The following BNC2 variants were observed in gnomAD, a reference collection of about 807,000 sequenced individuals.
The protein encoded by BNC2 is basonuclin zinc finger protein 2.
Under a neutral mutation model 76.3 loss-of-function variants are expected in BNC2, and 20 were observed. That is an observed-to-expected ratio of 0.26 (90% CI 0.18 to 0.38). The LOEUF (loss-of-function observed/expected upper bound fraction) is 0.38, where lower values mean the gene tolerates loss of function less well. Among genes scored for constraint, BNC2 ranks in the 10% least tolerant of loss-of-function variants. BNC2 has a pLI of 1.00. For missense variants in BNC2, 1,382 were observed against 1,399.8 expected, an observed-to-expected ratio of 0.99 and a Z score of 0.20; for synonymous variants, 582 against 514.8, an observed-to-expected ratio of 1.13 and a Z score of -1.77.
chr9:16,794,971 T>C (rs960482495), intron 1 of BNC2, among the ~76,000 whole-genome samples: 12 of 151,862 alleles, frequency 7.9e-5, no homozygotes, highest in African/African-American at 2.9e-4. Context: ...TAAAGGAAAA[T>C]ACAAATACTC....
intron 1 of BNC2, among the ~76,000 whole-genome samples, chr9:16,748,715 C>T (rs1448786715): frequency 1.3e-5 from 2 of 150,162 alleles, no homozygotes; most frequent in South Asian, 2.1e-4. Flanking sequence ...TGGTGGCAGC[C>T]GCCTGTAGTC....
At position 16,616,837 on chromosome 9, in the gene BNC2, A is replaced by AAGGAAGGAAGGAAGGAAGGAAGGAAGGC. The variant is rs1431416345; in HGVS notation, c.331-33753_331-33752insGCCTTCCTTCCTTCCTTCCTTCCTTCCT. On this transcript the variant is annotated intron_variant, in intron 3 of 6. Coordinates refer to ENST00000380672, the MANE Select transcript of BNC2 (RefSeq NM_017637.6). ...GAAGGAAGAAAGGAAGGAAGGAAGG[A>AAGGAAGGAAGGAAGGAAGGAAGGAAGGC]AGTTCTACTGACACGTGGGAATTTC... Among the ~76,000 whole-genome samples, 61 of 149,932 alleles carry AAGGAAGGAAGGAAGGAAGGAAGGAAGGC rather than the reference A, an allele frequency of 4.1e-4. 1 individual carries two copies. The highest frequency in any genetic ancestry group is 1.3e-3 in the African/African-American group (55 of 40,892).
chr9:16,824,256 T>C (rs1818403343), intron 1 of BNC2, among the ~76,000 whole-genome samples: 1 of 152,170 alleles, frequency 6.6e-6, no homozygotes, highest in Non-Finnish European at 1.5e-5. Context: ...TTTTTTTGGT[T>C]GGTTTTTTAA....
chr9:16,596,661 G>C (rs767071044), intron 3 of BNC2, among the ~76,000 whole-genome samples: 5 of 152,136 alleles, frequency 3.3e-5, no homozygotes, highest in Non-Finnish European at 5.9e-5. Flanking sequence ...TTAAGAGAAA[G>C]AGGAGAGTTG....
intron 1 of BNC2, among the ~76,000 whole-genome samples, chr9:16,859,652 T>C (rs1223454790): frequency 6.6e-6 from 1 of 152,190 alleles, no homozygotes; most frequent in Non-Finnish European, 1.5e-5. Context: ...GCATCTAAAG[T>C]AGGCAAACTC....
At chr9:16,671,365 G>C (rs1241634619) in intron 3 of BNC2, among the ~76,000 whole-genome samples, 1 of 152,178 alleles carries the variant, frequency 6.6e-6, no homozygotes, top group Admixed American at 6.5e-5. Context: ...GAAAGGATAA[G>C]TGGTAAAAAG....
chr9:16,804,954 C>T lies in BNC2; in HGVS notation c.3+65692G>A, dbSNP rs954800952. Among the ~76,000 whole-genome samples, 11 of 151,956 alleles carry T rather than the reference C, an allele frequency of 7.2e-5. No individual in the cohort carries two copies. The East Asian group carries it at 9.8e-4, about 14-fold the overall frequency. On this transcript the variant is annotated intron_variant, in intron 1 of 6. Transcript: ENST00000380672. ...GCATGCGCCTGTAGTCCCAGCTACT[C>T]GGGAGGCTGAGGTGGGAGAATCTCT... is the stretch of plus-strand genomic sequence containing the variant.
rs558907591 is a variant in BNC2, at chr9:16,630,935, C to T, written c.331-47850G>A. On this transcript the variant is annotated intron_variant, in intron 3 of 6. Coordinates refer to ENST00000380672, the MANE Select transcript of BNC2 (RefSeq NM_017637.6). ...TGTATTTTTAGTAGAGACGGGGTTT[C>T]TCCACGTTGGTCAGGCTGGTCTCGA... is the stretch of plus-strand genomic sequence containing the variant. Among the ~76,000 whole-genome samples the T allele has an allele frequency of 1.1e-4, 16 of 152,118 alleles. No individual in the cohort carries two copies. In the South Asian group the frequency reaches 2.7e-3, roughly 26 times the overall value.
chr9:16,431,752 G>A (rs998483181), intron 6 of BNC2, among the ~76,000 whole-genome samples: 1 of 152,168 alleles, frequency 6.6e-6, no homozygotes, highest in Non-Finnish European at 1.5e-5. Context: ...TGAGTAGGGG[G>A]TATAGTTTTG....
At chr9:16,805,608 G>C (rs1322995084) in intron 1 of BNC2, among the ~76,000 whole-genome samples, 1 of 152,090 alleles carries the variant, frequency 6.6e-6, no homozygotes, top group South Asian at 2.1e-4. Context: ...GATTACAGGC[G>C]TGAGCCACTG....
Position 16,661,945 on chromosome 9 carries a change from G to A in BNC2, c.330+65852C>T, listed in dbSNP as rs145992331. 1.0e-3 allele frequency among the ~76,000 whole-genome samples: 158 copies of A among 152,268 alleles called. 1 individual carries two copies. The highest frequency in any genetic ancestry group is 3.7e-3 in the African/African-American group (154 of 41,554). On this transcript the variant is annotated intron_variant, in intron 3 of 6. Transcript: ENST00000380672. ...GCATCAAAGACAAGTGACAGAGCAG[G>A]TCTAAGCTTTAAGTGTGTAGAAAAC...
chr9:16,600,633 A>G (rs1229474488), intron 3 of BNC2, among the ~76,000 whole-genome samples: 1 of 152,140 alleles, frequency 6.6e-6, no homozygotes, highest in African/African-American at 2.4e-5. Context: ...CCTATATTTA[A>G]TATTTCAGTT....
intron 6 of BNC2, chr9:16,430,035 G>A (rs553775016): frequency 6.1e-6 from 3 of 492,748 alleles, no homozygotes; most frequent in Admixed American, 2.1e-5. Flanking sequence ...TGACACTGAA[G>A]TTTATCTTAC....
rs549847197 is a variant in BNC2 at position 16,699,229 on chromosome 9, C to A, written c.330+28568G>T. On this transcript the variant is annotated intron_variant, in intron 3 of 6. Transcript: ENST00000380672. Reference sequence around the variant, plus strand: ...CTGTCATCCCCACTATATGTGGCAACCTAAATAATGCAACAAAAAAGTCCC... The same window carrying A: ...CTGTCATCCCCACTATATGTGGCAAACTAAATAATGCAACAAAAAAGTCCC... 1.2e-3 allele frequency: 573 copies of A among 470,574 alleles called. 4 individuals are homozygous for A. The highest frequency in any genetic ancestry group is 0.01 in the African/African-American group (520 of 50,120). The allele number at this position is 470,574 out of a possible 1,614,324, so 29.1% of individuals were successfully genotyped here.
At chr9:16,474,350 G>A (rs1000968525) in intron 5 of BNC2, among the ~76,000 whole-genome samples, 1 of 152,172 alleles carries the variant, frequency 6.6e-6, no homozygotes, top group Non-Finnish European at 1.5e-5. Context: ...TGTGAAAATA[G>A]GCAAGAGACA....
Position 16,417,931 on chromosome 9 carries a change from C to A in BNC2, c.*1058G>T, listed in dbSNP as rs984846001. On this transcript the variant is annotated 3_prime_UTR_variant, in exon 7 of 7. Transcript: ENST00000380672. ...TAAAAAGCGGTTTTCTGGTGGCCAA[C>A]AAATTGGCCTGTGGTTATGTTGAGT... 7 of 152,648 alleles carry A rather than the reference C, an allele frequency of 4.6e-5. No individual in the cohort carries two copies. Among genetic ancestry groups the A allele is most frequent in the Non-Finnish European group, 1.0e-4 (7 of 68,036 alleles). The allele number at this position is 152,648 out of a possible 1,614,324, so 9.5% of individuals were successfully genotyped here. A position where few individuals can be genotyped will look rare whatever the true frequency, so the allele number is the denominator to read the frequency against.
intron 3 of BNC2, among the ~76,000 whole-genome samples, chr9:16,673,548 A>G (rs2134205104): frequency 6.6e-6 from 1 of 152,308 alleles, no homozygotes; most frequent in African/African-American, 2.4e-5. Flanking sequence ...CAGTCAAGAA[A>G]GATCTGCAGG....
chr9:16,779,737 C>T (rs1826071327), intron 1 of BNC2, among the ~76,000 whole-genome samples: 1 of 152,120 alleles, frequency 6.6e-6, no homozygotes, highest in Non-Finnish European at 1.5e-5. Context: ...CAAAGTACCA[C>T]ATATAGTATA....
chr9:16,589,243 T>C (rs1441516718), intron 3 of BNC2, among the ~76,000 whole-genome samples: 2 of 152,142 alleles, frequency 1.3e-5, no homozygotes, highest in Non-Finnish European at 2.9e-5. Flanking sequence ...TGGAGTGCAG[T>C]GGCATAATCT....
Sources: allele counts gnomAD v4.1 joint callset (sites outside exome capture counted in the v4.1 genomes callset), GRCh38; gene constraint gnomAD v4.1.1; transcripts MANE v1.5; gene names NCBI Gene and HGNC (gene_info 2026-07-23, HGNC 2026-07-21).